The following TTC24 variants were observed in gnomAD, a reference collection of about 807,000 sequenced individuals.
TTC24 encodes tetratricopeptide repeat protein 24.
TTC24 carries 54 observed loss-of-function variants against 63.3 expected under a neutral mutation model. The ratio of observed to expected loss-of-function variants is 0.85; its 90% CI spans 0.69 to 1.07. The LOEUF (loss-of-function observed/expected upper bound fraction) is 1.07, where lower values mean the gene tolerates loss of function less well. Among genes scored for constraint, TTC24 ranks in the 50% least tolerant of loss-of-function variants. The pLI, the probability that TTC24 is intolerant of heterozygous loss-of-function variation, is 0.00. For synonymous variants in TTC24, 276 were observed against 304.3 expected, an observed-to-expected ratio of 0.91 and a Z score of 0.97; for missense variants, 680 against 730.5, an observed-to-expected ratio of 0.93 and a Z score of 0.80.
At position 156,585,956 on chromosome 1, in the gene TTC24, A is replaced by T. The variant is rs1463871487; in HGVS notation, c.1578A>T (p.Gly526=). 7.5e-6 allele frequency: 12 copies of T among 1,601,776 alleles called. No homozygotes were observed. Among genetic ancestry groups the T allele is most frequent in the Non-Finnish European group, 1.0e-5 (12 of 1,173,792 alleles). ...CTGTCCTTCTCCATCTAGGTCCAGG[A>T]CCCAGGGCCCATCTTCCATTTGTAG... ...VLGKASIYSP[G]PRAHLPFVGP... The change falls in exon 10 of 11, where the codon GGA becomes GGT. Residue 526 remains glycine, a synonymous_variant. Transcript: ENST00000368236.
At chr1:156,584,823 G>C in intron 6 of TTC24, 54 bp from the exon 7 acceptor site, 2 of 1,291,638 alleles carry the variant, frequency 1.5e-6, no homozygotes, top group Non-Finnish European at 2.1e-6. Flanking sequence ...CACACACGTA[G>C]CTGGGATGGC....
Position 156,583,785 on chromosome 1 carries a change from C to T in TTC24, c.1153-12C>T. 1 of 1,569,666 alleles carries T rather than the reference C, an allele frequency of 6.4e-7. No individual in the cohort carries two copies. Among genetic ancestry groups the T allele is most frequent in the Non-Finnish European group, 8.6e-7 (1 of 1,157,208 alleles). Reference sequence around the variant, plus strand: ...GCATTCCCCATTACCCTATTATCCACCCTCTTCCCAGAAGGAGCCAGATTC... The same window carrying T: ...GCATTCCCCATTACCCTATTATCCATCCTCTTCCCAGAAGGAGCCAGATTC... On this transcript the variant is annotated splice_polypyrimidine_tract_variant and intron_variant, in intron 5 of 10. Transcript: ENST00000368236. The surrounding 1 kb of genome is among the most constrained non-coding windows in gnomAD (Gnocchi z 4.0).
At chr1:156,582,873 G>T (rs1012095999) in intron 3 of TTC24, among the ~76,000 whole-genome samples, 169 bp from the exon 4 acceptor site, 1 of 152,222 alleles carries the variant, frequency 6.6e-6, no homozygotes, top group Admixed American at 6.5e-5. Flanking sequence ...CAGAACTCAG[G>T]ATGGGGCCAG....
Position 156,582,441 on chromosome 1 carries a change from GCC to G in TTC24, c.910+8_910+9del. On this transcript the variant is annotated splice_region_variant and intron_variant, in intron 3 of 10. Coordinates refer to ENST00000368236, the MANE Select transcript of TTC24 (RefSeq NM_001105669.4). ...AAGGCTGCTGACCTACACGGTGGGTGCCTGGGGCCGGGGAATGGGACTGGGAC... is the reference window on the plus strand; with the variant it reads ...AAGGCTGCTGACCTACACGGTGGGTGTGGGGCCGGGGAATGGGACTGGGAC... The G allele has an allele frequency of 6.2e-7, 1 of 1,613,462 alleles. No homozygotes were observed.
rs779828320 is a variant in TTC24 at position 156,585,773 on chromosome 1, T to C, written c.1517T>C (p.Phe506Ser). ...CATCTAGCTTCTAGTTGCCCCACGT[T>C]TACCAAGCACACGCCCTGCAGAGGG... is the stretch of plus-strand genomic sequence containing the variant. ...SHHLASSCPT[F>S]TKHTPCRGTV... The change falls in exon 9 of 11, where the codon TTT becomes TCT. Residue 506 changes from phenylalanine to serine, a missense_variant. Phe to Ser is a radical substitution (Grantham distance 155). Transcript: ENST00000368236. 4 of 1,613,868 alleles carry C rather than the reference T, an allele frequency of 2.5e-6. No individual in the cohort carries two copies. The African/African-American group carries it at 5.3e-5, about 22-fold the overall frequency.
chr1:156,585,321 C>CCCATCCCA (rs1677126628), intron 8 of TTC24, 90 bp downstream of exon 8: 2 of 1,033,530 alleles, frequency 1.9e-6, no homozygotes, highest in East Asian at 5.2e-5. Context: ...GCTTCTTATG[C>CCCATCCCA]CCATCCCACC....
At chr1:156,584,566 G>A in intron 6 of TTC24, 1 of 308,652 alleles carries the variant, frequency 3.2e-6, no homozygotes, top group Admixed American at 4.8e-5. Context: ...TGGATTGAGG[G>A]GTCAGAATAC....
Position 156,583,072 on chromosome 1 carries a change from G to A in TTC24, c.941G>A (p.Arg314Gln), listed in dbSNP as rs545416736. Residue 314 changes from arginine (R) to glutamine (Q), a missense_variant, in exon 4 of 11, where the codon CGG (arginine) becomes CAG (glutamine). Transcript: ENST00000368236. The surrounding 1 kb of genome is among the most constrained non-coding windows in gnomAD (Gnocchi z 4.0). ...GTGGGGCAGCGGTGGGAGCAGGGCCGGAGCTTTGGCAGCCTGGCCTTTGCA... is the reference window on the plus strand; with the variant it reads ...GTGGGGCAGCGGTGGGAGCAGGGCCAGAGCTTTGGCAGCCTGGCCTTTGCA... ...GSVGQRWEQG[R>Q]SFGSLAFALS... 252 of 1,613,520 alleles carry A rather than the reference G, an allele frequency of 1.6e-4. 1 individual carries two copies. The South Asian group carries it at 2.0e-3, about 13-fold the overall frequency.
Position 156,586,635 on chromosome 1 carries a change from C to A in TTC24, c.*85C>A. 1 of 1,236,880 alleles carries A rather than the reference C, an allele frequency of 8.1e-7. No homozygotes were observed. Among genetic ancestry groups the A allele is most frequent in the Non-Finnish European group, 1.2e-6 (1 of 861,668 alleles). 76.6% of individuals were successfully genotyped at this position (1,236,880 alleles called of 1,614,324 possible). ...GGGGGTCCTGGGGACCAAGCCTCTT[C>A]CCAGTTGCTCAGCCCTGCAGGGATG... On this transcript the variant is annotated 3_prime_UTR_variant, in exon 11 of 11. Coordinates refer to ENST00000368236, the MANE Select transcript of TTC24 (RefSeq NM_001105669.4).
rs770372105 is a variant in TTC24 at position 156,586,508 on chromosome 1, C to T, written c.1707C>T (p.Arg569=). The T allele has an allele frequency of 1.9e-6, 3 of 1,613,250 alleles. No individual in the cohort carries two copies. Among genetic ancestry groups the T allele is most frequent in the Non-Finnish European group, 2.5e-6 (3 of 1,179,810 alleles). The change falls in exon 11 of 11, where the codon CGC becomes CGT. Residue 569 remains arginine (R), a synonymous_variant. Coordinates refer to ENST00000368236, the MANE Select transcript of TTC24 (RefSeq NM_001105669.4). ...CCAGGGAAAGCCTCAGCAGGAGCCG[C>T]CAGAGGAGACCCATGGAGTCGGGCA... ...RWPRESLSRS[R]QRRPMESGIC...
Position 156,582,433 on chromosome 1 carries a change from C to T in TTC24, c.909C>T (p.His303=), listed in dbSNP as rs578045025. Residue 303 remains histidine, a splice_region_variant and synonymous_variant, in exon 3 of 11, where the codon CAC becomes CAT. Transcript: ENST00000368236. ...TTCACCAGAAGGCTGCTGACCTACA[C>T]GGTGGGTGCCTGGGGCCGGGGAATG... The part of the protein sequence containing the change: ...REFHQKAADL[H]GSVGQRWEQG... 50 of 1,613,630 alleles carry T rather than the reference C, an allele frequency of 3.1e-5. No homozygotes were observed. Among genetic ancestry groups the T allele is most frequent in the African/African-American group, 1.9e-4 (14 of 75,048 alleles).
In TTC24 at chr1:156,583,456, AC is replaced by A; in HGVS notation, c.1152+10del. On this transcript the variant is annotated splice_region_variant and intron_variant, in intron 5 of 10. Transcript: ENST00000368236. This position sits in a 1 kb window ranked among gnomAD's most constrained non-coding sequence, Gnocchi z 4.0. ...AAGCACTGGCCCAGTGTCAGGTGAG[AC>A]CCCGCACACCGGAATCCACCTCTCC... The A allele has an allele frequency of 6.3e-6, 10 of 1,578,472 alleles. No homozygotes were observed. The highest frequency in any genetic ancestry group is 8.6e-6 in the Non-Finnish European group (10 of 1,165,134).
chr1:156,583,701 C>T lies in TTC24; in HGVS notation c.1153-96C>T, dbSNP rs559861171. The T allele has an allele frequency of 3.1e-6, 3 of 968,158 alleles. 1 individual carries two copies. The South Asian group carries it at 4.5e-5, about 14-fold the overall frequency. The allele number at this position is 968,158 out of a possible 1,614,324, so 60.0% of individuals were successfully genotyped here. On this transcript the variant is annotated intron_variant, in intron 5 of 10. Coordinates refer to ENST00000368236, the MANE Select transcript of TTC24 (RefSeq NM_001105669.4). This position sits in a 1 kb window ranked among gnomAD's most constrained non-coding sequence, Gnocchi z 4.0. ...AGAAGAGAGGGGAAACAAAGCCCCC[C>T]TCCCCCCTCCCTTTCCTGTTTCCTT...
chr1:156,586,390 G>C (rs570083907), intron 10 of TTC24, 79 bp from the exon 11 acceptor site: 2 of 1,272,668 alleles, frequency 1.6e-6, no homozygotes, highest in African/African-American at 1.5e-5. Context: ...AGGGCAGAGG[G>C]AAGCTGAGGC....
chr1:156,584,792 C>T, intron 6 of TTC24, 85 bp from the exon 7 acceptor site: 1 of 858,848 alleles, frequency 1.2e-6, no homozygotes, highest in Non-Finnish European at 1.7e-6. Context: ...TTGTCTCTAT[C>T]ACATAAGTCT....
intron 9 of TTC24, 36 bp from the exon 10 acceptor site, chr1:156,585,913 G>A: frequency 6.3e-7 from 1 of 1,596,138 alleles, no homozygotes; most frequent in Non-Finnish European, 8.6e-7. Context: ...GGTGCAGAGA[G>A]GCACGTGATG....
intron 3 of TTC24, 107 bp from the exon 4 acceptor site, chr1:156,582,935 C>A: frequency 1.4e-6 from 2 of 1,417,806 alleles, no homozygotes; most frequent in Non-Finnish European, 1.9e-6. Context: ...TGTTCTGGGG[C>A]TGGGCACCAG....
chr1:156,583,824 C>A lies in TTC24; in HGVS notation c.1180C>A (p.Leu394Met). 6.3e-7 allele frequency: 1 copy of A among 1,586,736 alleles called. No homozygotes were observed. Among genetic ancestry groups the A allele is most frequent in the Admixed American group, 1.8e-5 (1 of 55,510 alleles). ...QKEPDSVRERLVAKLADTVRT... is the reference protein window; with the variant it reads ...QKEPDSVRERMVAKLADTVRT... ...GGAGCCAGATTCTGTGCGAGAACGGCTGGTGGCCAAGCTGGCAGACACCGT... is the reference window on the plus strand; with the variant it reads ...GGAGCCAGATTCTGTGCGAGAACGGATGGTGGCCAAGCTGGCAGACACCGT... Residue 394 changes from leucine (L) to methionine (M), a missense_variant, in exon 6 of 11, where the codon CTG becomes ATG. Physicochemically the swap from Leu to Met is conservative, Grantham distance 15 (BLOSUM62 2). Transcript: ENST00000368236. This position sits in a 1 kb window ranked among gnomAD's most constrained non-coding sequence, Gnocchi z 4.0.
intron 3 of TTC24, 132 bp downstream of exon 3, chr1:156,582,566 G>T (rs1677031032): frequency 1.2e-6 from 1 of 800,248 alleles, no homozygotes; most frequent in African/African-American, 1.7e-5. Context: ...AACCAGTGGG[G>T]GAGAGCTGGA....
Sources: gnomAD v4.1 joint callset for allele counts (sites outside exome capture counted in the v4.1 genomes callset) on GRCh38, gnomAD v4.1.1 for gene constraint, Gnocchi (gnomAD v3.1) non-coding constraint, MANE v1.5 for transcripts, NCBI Gene and HGNC (gene_info 2026-07-23, HGNC 2026-07-21) for gene names.